Variants in RUNDC3B observed in about 807,000 individuals in gnomAD.
The protein encoded by RUNDC3B is RUN domain-containing protein 3B.
RUNDC3B carries 33 observed loss-of-function variants against 58.4 expected under a neutral mutation model. The ratio of observed to expected loss-of-function variants is 0.56; its 90% CI spans 0.43 to 0.75. The LOEUF is 0.75. Among genes scored for constraint, RUNDC3B ranks in the 30% least tolerant of loss-of-function variants. RUNDC3B has a pLI of 0.00. For missense variants in RUNDC3B, 501 were observed against 535.7 expected, an observed-to-expected ratio of 0.94 and a Z score of 0.64; for synonymous variants, 193 against 195.2, an observed-to-expected ratio of 0.99 and a Z score of 0.10.
intron 1 of RUNDC3B, among the ~76,000 whole-genome samples, chr7:87,638,774 A>G (rs1057461842): frequency 1.4e-4 from 21 of 152,106 alleles, no homozygotes; most frequent in Non-Finnish European, 2.2e-4. Flanking sequence ...TTTTCAAAGA[A>G]CCAGCGTTTG....
chr7:87,702,123 A>G (rs962384222), intron 3 of RUNDC3B, among the ~76,000 whole-genome samples: 5 of 140,222 alleles, frequency 3.6e-5, no homozygotes, highest in Non-Finnish European at 7.6e-5. Flanking sequence ...AGCCTGGGCA[A>G]AAGAGCGAGA....
At chr7:87,660,823 T>C (rs1386442916) in intron 2 of RUNDC3B, among the ~76,000 whole-genome samples, 2 of 151,986 alleles carry the variant, frequency 1.3e-5, no homozygotes, top group Non-Finnish European at 2.9e-5. Context: ...CTTTGTCTTA[T>C]GAGTAATTTG....
At chr7:87,686,899 T>C (rs2130622188) in intron 2 of RUNDC3B, among the ~76,000 whole-genome samples, 1 of 151,088 alleles carries the variant, frequency 6.6e-6, no homozygotes, top group Middle Eastern at 3.4e-3. Context: ...TGAGCCATGA[T>C]TGTGCCACTC....
chr7:87,628,804 G>A lies in RUNDC3B; in HGVS notation c.-20G>A. The A allele has an allele frequency of 8.2e-7, 1 of 1,226,680 alleles. No individual in the cohort carries two copies. Among genetic ancestry groups the A allele is most frequent in the Non-Finnish European group, 1.0e-6 (1 of 968,848 alleles). 76.0% of individuals were successfully genotyped at this position (1,226,680 alleles called of 1,614,324 possible). A position where few individuals can be genotyped will look rare whatever the true frequency, so the allele number is the denominator to read the frequency against. ...GTGCGGGGTGGCACGAGACAAAAGGGGCACGGGGGTAAGCCCGCCATGGCC... is the reference window on the plus strand; with the variant it reads ...GTGCGGGGTGGCACGAGACAAAAGGAGCACGGGGGTAAGCCCGCCATGGCC... On this transcript the variant is annotated 5_prime_UTR_variant, in exon 1 of 11. Transcript: ENST00000394654.
chr7:87,702,210 AT>A (rs1197279786), intron 3 of RUNDC3B, among the ~76,000 whole-genome samples: 5 of 150,460 alleles, frequency 3.3e-5, no homozygotes, highest in Admixed American at 3.3e-4. Context: ...TTTAGGAAAA[AT>A]AGTTATTTTT....
intron 8 of RUNDC3B, among the ~76,000 whole-genome samples, chr7:87,796,564 C>T (rs145445395): frequency 2.6e-5 from 4 of 151,992 alleles, no homozygotes; most frequent in Admixed American, 1.3e-4. Flanking sequence ...GTCTCATGTA[C>T]GACATAAAAA....
intron 7 of RUNDC3B, among the ~76,000 whole-genome samples, chr7:87,776,119 C>T (rs1274509426): frequency 6.6e-6 from 1 of 151,942 alleles, no homozygotes; most frequent in East Asian, 1.9e-4. Flanking sequence ...ATAGTAAGAA[C>T]AATTACTACA....
intron 2 of RUNDC3B, among the ~76,000 whole-genome samples, chr7:87,655,771 C>T (rs1193495640): frequency 6.6e-6 from 1 of 152,094 alleles, no homozygotes; most frequent in African/African-American, 2.4e-5. Flanking sequence ...CCCTCAAATT[C>T]ATATGCTGGA....
At chr7:87,763,471 A>C (rs1833808479) in intron 6 of RUNDC3B, among the ~76,000 whole-genome samples, 1 of 151,622 alleles carries the variant, frequency 6.6e-6, no homozygotes, top group African/African-American at 2.4e-5. Context: ...CTAACGTTTT[A>C]GTTTTCTGAA....
intron 6 of RUNDC3B, among the ~76,000 whole-genome samples, chr7:87,755,155 T>G (rs886357989): frequency 6.6e-6 from 1 of 151,964 alleles, no homozygotes; most frequent in African/African-American, 2.4e-5. Context: ...CCCGAGTAGC[T>G]GGGACTACAA....
At chr7:87,714,745 T>C (rs535422003) in intron 4 of RUNDC3B, among the ~76,000 whole-genome samples, 1 of 152,012 alleles carries the variant, frequency 6.6e-6, no homozygotes, top group Non-Finnish European at 1.5e-5. Flanking sequence ...TTTATAGCCC[T>C]ATCTTATCCA....
At chr7:87,707,157 T>C (rs1282174724) in intron 3 of RUNDC3B, among the ~76,000 whole-genome samples, 1 of 152,124 alleles carries the variant, frequency 6.6e-6, no homozygotes, top group African/African-American at 2.4e-5. Context: ...AGAGTTGCTA[T>C]AAATTTTCAT....
intron 2 of RUNDC3B, among the ~76,000 whole-genome samples, chr7:87,672,315 T>A (rs747876654): frequency 6.6e-6 from 1 of 152,178 alleles, no homozygotes; most frequent in Non-Finnish European, 1.5e-5. Context: ...CCACCTCTGG[T>A]CAGCTTGGAC....
At chr7:87,679,597 C>T (rs1156870820) in intron 2 of RUNDC3B, among the ~76,000 whole-genome samples, 2 of 150,000 alleles carry the variant, frequency 1.3e-5, no homozygotes, top group Non-Finnish European at 3.0e-5. Flanking sequence ...ACTATGTTGC[C>T]CTGGCTGGTC....
intron 7 of RUNDC3B, among the ~76,000 whole-genome samples, chr7:87,774,243 C>T (rs1453575157): frequency 6.6e-6 from 1 of 151,902 alleles, no homozygotes; most frequent in African/African-American, 2.4e-5. Context: ...TGCATATTAA[C>T]GTTGTAAGTT....
intron 10 of RUNDC3B, among the ~76,000 whole-genome samples, chr7:87,823,767 G>A (rs945135291): frequency 8.6e-5 from 13 of 151,258 alleles, no homozygotes; most frequent in Non-Finnish European, 1.9e-4. Flanking sequence ...TTTTATGAAT[G>A]AGTAGTATTC....
intron 8 of RUNDC3B, among the ~76,000 whole-genome samples, chr7:87,779,545 G>A (rs1220905028): frequency 6.6e-6 from 1 of 152,054 alleles, no homozygotes; most frequent in Non-Finnish European, 1.5e-5. Context: ...TGGTTAAGGT[G>A]TTTTTCTCTT....
At chr7:87,819,630 G>C (rs1305991473) in intron 10 of RUNDC3B, among the ~76,000 whole-genome samples, 5 of 152,172 alleles carry the variant, frequency 3.3e-5, no homozygotes, top group South Asian at 2.1e-4. Flanking sequence ...TGACCACATA[G>C]TTGGAAGTAA....
intron 7 of RUNDC3B, 61 bp downstream of exon 7, chr7:87,770,810 C>A (rs1447821788): frequency 1.3e-5 from 15 of 1,138,918 alleles, no homozygotes; most frequent in Non-Finnish European, 1.6e-5. Context: ...TGAACTGTGA[C>A]TGCCAAAATA....
Sources: gnomAD v4.1 joint callset for allele counts (sites outside exome capture counted in the v4.1 genomes callset) on GRCh38, gnomAD v4.1.1 for gene constraint, MANE v1.5 for transcripts, NCBI Gene and HGNC (gene_info 2026-07-23, HGNC 2026-07-21) for gene names.